ARHGAP15: variants seen among roughly 807,000 people sequenced by gnomAD.
The protein encoded by ARHGAP15 is rho GTPase-activating protein 15.
ARHGAP15 carries 51 observed loss-of-function variants against 63.7 expected under a neutral mutation model. The observed-to-expected ratio is 0.80, with a 90% CI of 0.64 to 1.01. ARHGAP15 has a LOEUF of 1.01. Ranked by LOEUF, ARHGAP15 falls within the 50% of genes least tolerant of loss-of-function variation. The pLI is 0.00. For missense variants in ARHGAP15, 560 were observed against 564.6 expected (o/e 0.99, Z 0.08); for synonymous variants, 191 against 193.8 (o/e 0.99, Z 0.12).
intron 10 of ARHGAP15, among the ~76,000 whole-genome samples, chr2:143,537,624 A>G (rs1033903495): frequency 3.3e-5 from 5 of 152,308 alleles, no homozygotes; most frequent in African/African-American, 1.2e-4. Flanking sequence ...AGCACCATTT[A>G]TTAAATAGGG....
intron 1 of ARHGAP15, among the ~76,000 whole-genome samples, chr2:143,132,337 G>C (rs1250138928): frequency 3.9e-5 from 6 of 152,190 alleles, no homozygotes; most frequent in Admixed American, 3.9e-4. Context: ...GGAATGGCTG[G>C]ATCCAGGAGC....
At chr2:143,473,342 T>C in intron 8 of ARHGAP15, among the ~76,000 whole-genome samples, 1 of 151,358 alleles carries the variant, frequency 6.6e-6, no homozygotes. Context: ...TGGCCTTTTC[T>C]TTTTTCTGCT....
chr2:143,614,099 A>G (rs902211190), intron 11 of ARHGAP15, among the ~76,000 whole-genome samples: 3 of 151,846 alleles, frequency 2.0e-5, no homozygotes, highest in Admixed American at 2.0e-4. Context: ...ATTTTTCTTC[A>G]TCTCTTCTCT....
At chr2:143,726,943 T>C (rs1183061592) in intron 13 of ARHGAP15, among the ~76,000 whole-genome samples, 1 of 152,158 alleles carries the variant, frequency 6.6e-6, no homozygotes, top group African/African-American at 2.4e-5. Flanking sequence ...CAAAGGCTGG[T>C]CACTATATAG....
At chr2:143,616,922 A>G (rs557822614) in intron 11 of ARHGAP15, among the ~76,000 whole-genome samples, 1 of 152,320 alleles carries the variant, frequency 6.6e-6, no homozygotes, top group Admixed American at 6.5e-5. Flanking sequence ...GGAAGTTTCC[A>G]ATGTTTTCTA....
chr2:143,301,461 T>C (rs1039627301), intron 6 of ARHGAP15, among the ~76,000 whole-genome samples: 21 of 152,064 alleles, frequency 1.4e-4, no homozygotes, highest in African/African-American at 4.8e-4. Context: ...TGATAAACTT[T>C]AGCTATGTGT....
intron 13 of ARHGAP15, among the ~76,000 whole-genome samples, chr2:143,727,858 C>G (rs1319278495): frequency 6.6e-6 from 1 of 152,132 alleles, no homozygotes; most frequent in African/African-American, 2.4e-5. Context: ...TTTTTCTTGT[C>G]CTCATTCAAT....
intron 13 of ARHGAP15, among the ~76,000 whole-genome samples, chr2:143,732,910 GT>G (rs35876339): frequency 0.026 from 3,161 of 121,968 alleles, 34 homozygotes; most frequent in Non-Finnish European, 0.037. Flanking sequence ...TTGTTTTTGG[GT>G]TTTTTTTTTT....
chr2:143,727,327 A>G (rs1411284242), intron 13 of ARHGAP15, among the ~76,000 whole-genome samples: 1 of 152,208 alleles, frequency 6.6e-6, no homozygotes, highest in Non-Finnish European at 1.5e-5. Context: ...ACAGAGTTTT[A>G]TAGATACAGT....
At chr2:143,229,523 GCTAC>G (rs1693356601) in intron 5 of ARHGAP15, among the ~76,000 whole-genome samples, 1 of 152,142 alleles carries the variant, frequency 6.6e-6, no homozygotes. Flanking sequence ...AAACACAAGA[GCTAC>G]CACAAGATGT....
intron 12 of ARHGAP15, among the ~76,000 whole-genome samples, chr2:143,696,826 A>G (rs537633797): frequency 6.6e-6 from 1 of 152,340 alleles, no homozygotes; most frequent in African/African-American, 2.4e-5. Flanking sequence ...GATCCTCCCT[A>G]GAGAAAGAAA....
intron 9 of ARHGAP15, among the ~76,000 whole-genome samples, chr2:143,490,065 T>A (rs2105232909): frequency 6.6e-6 from 1 of 152,320 alleles, no homozygotes; most frequent in Non-Finnish European, 1.5e-5. Context: ...AGTGGCGCAA[T>A]CTCGGCTCAC....
At chr2:143,194,565 C>T (rs965822807) in intron 2 of ARHGAP15, among the ~76,000 whole-genome samples, 5 of 152,074 alleles carry the variant, frequency 3.3e-5, no homozygotes, top group African/African-American at 1.2e-4. Flanking sequence ...CGTGATTCTA[C>T]AGAGAAAAAC....
At chr2:143,750,206 G>A (rs207462509) in intron 13 of ARHGAP15, among the ~76,000 whole-genome samples, 1 of 152,216 alleles carries the variant, frequency 6.6e-6, no homozygotes, top group Non-Finnish European at 1.5e-5. Context: ...TTGGAAGGCC[G>A]AGGTAGGCAG....
At chr2:143,377,200 C>T (rs913181147) in intron 6 of ARHGAP15, among the ~76,000 whole-genome samples, 2 of 151,478 alleles carry the variant, frequency 1.3e-5, no homozygotes, top group Non-Finnish European at 2.9e-5. Context: ...AAAATCCAGC[C>T]AATACTTACC....
Position 143,513,369 on chromosome 2 carries a change from C to A in ARHGAP15, c.827-5897C>A, listed in dbSNP as rs539416453. The stretch of plus-strand genomic sequence containing the variant: ...CCCAGCTCCGTGGCAATAAAAAATA[C>A]CCTGTAGCTGAAATTCTCTCCTATC... On this transcript the variant is annotated intron_variant, in intron 9 of 13. Coordinates refer to ENST00000295095, the MANE Select transcript of ARHGAP15 (RefSeq NM_018460.4). Among the ~76,000 whole-genome samples, 3 of 152,266 alleles carry A rather than the reference C, an allele frequency of 2.0e-5. No homozygotes were observed. In the East Asian group the frequency reaches 5.8e-4, roughly 29 times the overall value.
At chr2:143,594,435 C>T (rs771433167) in intron 11 of ARHGAP15, among the ~76,000 whole-genome samples, 56 of 152,226 alleles carry the variant, frequency 3.7e-4, no homozygotes, top group Non-Finnish European at 6.8e-4. Flanking sequence ...TTACGGTGTG[C>T]TCGGCCTATT....
chr2:143,748,289 A>G (rs1222778514), intron 13 of ARHGAP15, among the ~76,000 whole-genome samples: 1 of 152,192 alleles, frequency 6.6e-6, no homozygotes, highest in Admixed American at 6.5e-5. Context: ...CAAAAGTGAC[A>G]TCCTAAGCTG....
intron 6 of ARHGAP15, among the ~76,000 whole-genome samples, chr2:143,324,035 G>C (rs777696435): frequency 6.0e-5 from 9 of 151,010 alleles, no homozygotes; most frequent in African/African-American, 2.2e-4. Flanking sequence ...ATGTAAGCAT[G>C]AAGAAGTTGA....
Sources: allele counts gnomAD v4.1 joint callset (sites outside exome capture counted in the v4.1 genomes callset), GRCh38; gene constraint gnomAD v4.1.1; transcripts MANE v1.5; gene names NCBI Gene and HGNC (gene_info 2026-07-23, HGNC 2026-07-21).